Variants in PRKCE observed in about 807,000 individuals in gnomAD.
PRKCE encodes the protein protein kinase C epsilon.
Under a neutral mutation model 85.4 loss-of-function variants are expected in PRKCE, and 16 were observed. That is an observed-to-expected ratio of 0.19 (90% confidence interval 0.13 to 0.28). The LOEUF (loss-of-function observed/expected upper bound fraction) is 0.28, where lower values mean the gene tolerates loss of function less well. Ranked by LOEUF, PRKCE falls within the 10% of genes least tolerant of loss-of-function variation. The pLI is 1.00. For missense variants in PRKCE, 573 were observed against 975.2 expected (o/e 0.59, Z 5.49); for synonymous variants, 388 against 371.5 (o/e 1.04, Z -0.51).
chr2:45,684,329 G>T, intron 1 of PRKCE, among the ~76,000 whole-genome samples: 1 of 152,202 alleles, frequency 6.6e-6, no homozygotes. Context: ...TGGGGGGATA[G>T]GCAAGCATGA....
At chr2:45,732,631 C>T (rs952055287) in intron 1 of PRKCE, among the ~76,000 whole-genome samples, 1 of 152,152 alleles carries the variant, frequency 6.6e-6, no homozygotes, top group Non-Finnish European at 1.5e-5. Flanking sequence ...GGAAGTCTTC[C>T]CGGATCCTCC....
intron 2 of PRKCE, among the ~76,000 whole-genome samples, chr2:45,935,199 A>C (rs1436139340): frequency 6.6e-6 from 1 of 152,180 alleles, no homozygotes; most frequent in Non-Finnish European, 1.5e-5. Context: ...GTGAGTACAT[A>C]TATTTGTTTT....
intron 2 of PRKCE, among the ~76,000 whole-genome samples, chr2:45,881,009 T>C (rs1032586944): frequency 3.8e-4 from 58 of 151,708 alleles, no homozygotes; most frequent in African/African-American, 1.1e-3. Context: ...AAAAATTAGC[T>C]GGGCGTAGTG....
intron 1 of PRKCE, among the ~76,000 whole-genome samples, chr2:45,708,599 C>T (rs376512536): frequency 9.9e-5 from 15 of 152,212 alleles, no homozygotes; most frequent in East Asian, 7.7e-4. Flanking sequence ...TCCCCAGCCA[C>T]GTGGAACTGT....
intron 1 of PRKCE, among the ~76,000 whole-genome samples, chr2:45,823,956 C>T (rs988054345): frequency 6.6e-6 from 1 of 152,250 alleles, no homozygotes; most frequent in Admixed American, 6.5e-5. Context: ...CTGGGCATTG[C>T]ACTCACAGGA....
intron 1 of PRKCE, among the ~76,000 whole-genome samples, chr2:45,829,166 T>C (rs1177807359): frequency 6.6e-6 from 1 of 152,246 alleles, no homozygotes; most frequent in Non-Finnish European, 1.5e-5. Flanking sequence ...TAGTTAAATC[T>C]TTTCACATAT....
At chr2:45,938,193 G>A (rs1187703190) in intron 2 of PRKCE, among the ~76,000 whole-genome samples, 2 of 152,144 alleles carry the variant, frequency 1.3e-5, no homozygotes. Flanking sequence ...GGGCTGATGG[G>A]GGTGGTATTT....
At chr2:45,849,672 T>G (rs578260702) in intron 2 of PRKCE, among the ~76,000 whole-genome samples, 16 of 152,212 alleles carry the variant, frequency 1.1e-4, no homozygotes, top group Admixed American at 2.6e-4. Context: ...TCCCTAGACA[T>G]GCATGGACAT....
At chr2:46,163,372 C>A (rs1677971563) in intron 14 of PRKCE, among the ~76,000 whole-genome samples, 1 of 149,694 alleles carries the variant, frequency 6.7e-6, no homozygotes, top group African/African-American at 2.5e-5. Context: ...AGCTTCATCC[C>A]CACAGAGGCC....
intron 11 of PRKCE, among the ~76,000 whole-genome samples, chr2:46,099,933 G>C (rs943593865): frequency 3.9e-5 from 6 of 152,150 alleles, no homozygotes; most frequent in Admixed American, 3.3e-4. Flanking sequence ...GTGAGTTGCT[G>C]CAGTGGAAAG....
At chr2:45,987,744 C>A (rs778006455) in intron 6 of PRKCE, among the ~76,000 whole-genome samples, 2 of 152,170 alleles carry the variant, frequency 1.3e-5, no homozygotes, top group Non-Finnish European at 2.9e-5. Context: ...GGACAGTGCT[C>A]GTTATCTACC....
intron 1 of PRKCE, among the ~76,000 whole-genome samples, chr2:45,747,069 C>T (rs1481688824): frequency 3.9e-5 from 6 of 152,294 alleles, no homozygotes; most frequent in Middle Eastern, 6.8e-3. Flanking sequence ...CCTCCTTTTG[C>T]GTGCGCTCAT....
chr2:45,764,163 A>C (rs141240099), intron 1 of PRKCE, among the ~76,000 whole-genome samples: 1 of 151,688 alleles, frequency 6.6e-6, no homozygotes, highest in African/African-American at 2.4e-5. Context: ...CCACAATAAG[A>C]AGAATTGTTT....
chr2:45,832,099 A>G (rs556450465), intron 1 of PRKCE, among the ~76,000 whole-genome samples: 11 of 152,324 alleles, frequency 7.2e-5, no homozygotes, highest in African/African-American at 2.4e-4. Flanking sequence ...ATGAAAAGCA[A>G]TGGCAAATAA....
At chr2:45,865,668 T>A (rs1460912299) in intron 2 of PRKCE, among the ~76,000 whole-genome samples, 1 of 152,212 alleles carries the variant, frequency 6.6e-6, no homozygotes, top group South Asian at 2.1e-4. Context: ...CTTTCCAACA[T>A]GTGAGGCTGC....
At chr2:46,140,907 T>C (rs1675453014) in intron 11 of PRKCE, among the ~76,000 whole-genome samples, 1 of 152,196 alleles carries the variant, frequency 6.6e-6, no homozygotes, top group African/African-American at 2.4e-5. Context: ...TTTGAATACA[T>C]GAAAACATGC....
Position 46,074,841 on chromosome 2 carries a change from C to T in PRKCE, c.1438-11367C>T, listed in dbSNP as rs74423669. 6.2e-3 allele frequency among the ~76,000 whole-genome samples: 938 copies of T among 152,228 alleles called. 13 individuals are homozygous for T. The highest frequency in any genetic ancestry group is 0.022 in the African/African-American group (916 of 41,532). Reference sequence around the variant, plus strand: ...TGTTTTGAGCACCAGCTGTTAGCCACCTATGTCCTGCCTGGGACACAGGAA... The same window carrying T: ...TGTTTTGAGCACCAGCTGTTAGCCATCTATGTCCTGCCTGGGACACAGGAA... On this transcript the variant is annotated intron_variant, in intron 10 of 14. Coordinates refer to ENST00000306156, the MANE Select transcript of PRKCE (RefSeq NM_005400.3).
At chr2:45,806,048 ATC>A (rs1357487633) in intron 1 of PRKCE, among the ~76,000 whole-genome samples, 1 of 152,182 alleles carries the variant, frequency 6.6e-6, no homozygotes, top group Non-Finnish European at 1.5e-5. Flanking sequence ...AACTCAATAC[ATC>A]CTTGCTGAAT....
Position 46,120,815 on chromosome 2 carries a change from C to G in PRKCE, c.1593-24278C>G, listed in dbSNP as rs867802938. Reference sequence around the variant, plus strand: ...AAAAACCAGAGGCTTGTCTTCTTTTCCTGTCAACGTTAAGTCAAGAAGTAT... The same window carrying G: ...AAAAACCAGAGGCTTGTCTTCTTTTGCTGTCAACGTTAAGTCAAGAAGTAT... On this transcript the variant is annotated intron_variant, in intron 11 of 14. Coordinates refer to ENST00000306156, the MANE Select transcript of PRKCE (RefSeq NM_005400.3). 1.4e-4 allele frequency among the ~76,000 whole-genome samples: 21 copies of G among 152,286 alleles called. No individual in the cohort carries two copies. In the Middle Eastern group the frequency reaches 0.01, roughly 74 times the overall value.
Sources: allele counts gnomAD v4.1 joint callset (sites outside exome capture counted in the v4.1 genomes callset), GRCh38; gene constraint gnomAD v4.1.1; transcripts MANE v1.5; gene names NCBI Gene and HGNC (gene_info 2026-07-23, HGNC 2026-07-21).